KCNQ3: variants seen among roughly 807,000 people sequenced by gnomAD.
The protein encoded by KCNQ3 is potassium voltage-gated channel subfamily Q member 3.
A neutral mutation model predicts 92.5 loss-of-function variants in KCNQ3; 30 were observed. The observed-to-expected ratio is 0.32, with a 90% CI of 0.24 to 0.44. The LOEUF is 0.44. Ranked by LOEUF, KCNQ3 falls within the 20% of genes least tolerant of loss-of-function variation. The probability of loss-of-function intolerance (pLI) is 1.00; values close to 1 mark genes in which losing one functional copy is unlikely to be tolerated. For missense variants in KCNQ3, 913 were observed against 1,140.3 expected (o/e 0.80, Z 2.87); for synonymous variants, 450 against 468.8 (o/e 0.96, Z 0.52).
intron 1 of KCNQ3, among the ~76,000 whole-genome samples, chr8:132,462,508 TG>T (rs1563920369): frequency 6.6e-6 from 1 of 152,192 alleles, no homozygotes. Context: ...CACTTTTAAA[TG>T]GTAAGTTTTT....
At position 132,480,134 on chromosome 8, in the gene KCNQ3, G is replaced by T; in HGVS notation, c.386+13C>A. On this transcript the variant is annotated intron_variant, in intron 1 of 14. Transcript: ENST00000388996. The stretch of plus-strand genomic sequence containing the variant: ...GCCGCCGCCGAGGGCGCCCCGAGCG[G>T]CCGGGTACTCACACCAACGCGTGGT... 1 of 1,608,286 alleles carries T rather than the reference G, an allele frequency of 6.2e-7. No homozygotes were observed. Among genetic ancestry groups the T allele is most frequent in the Non-Finnish European group, 8.5e-7 (1 of 1,176,938 alleles).
intron 1 of KCNQ3, among the ~76,000 whole-genome samples, chr8:132,358,290 C>A: frequency 6.6e-6 from 1 of 152,180 alleles, no homozygotes; most frequent in East Asian, 1.9e-4. Context: ...AGTCCTAGCA[C>A]TGCCAGATGC....
At chr8:132,140,250 C>T in intron 10 of KCNQ3, 72 bp from the exon 11 acceptor site, 1 of 1,022,546 alleles carries the variant, frequency 9.8e-7, no homozygotes, top group African/African-American at 1.6e-5. Flanking sequence ...ACTGTTCGGT[C>T]AAAGCCTTCC....
In KCNQ3 at chr8:132,480,307, C is replaced by G. The variant is rs747768821; in HGVS notation, c.226G>C (p.Glu76Gln). ...TLLLEGGGRD[E>Q]GQRRTPQGIG... is the part of the protein sequence containing the mutation. ...CCCTGCGGGGTCCTCCGCTGCCCCT[C>G]GTCGCGGCCGCCGCCCTCCAGCAGC... is the stretch of plus-strand genomic sequence containing the variant. Residue 76 changes from glutamate to glutamine, a missense_variant, in exon 1 of 15, where the codon GAG becomes CAG. By Grantham distance (29) the Glu-to-Gln change is conservative. Transcript: ENST00000388996. 6.2e-7 allele frequency: 1 copy of G among 1,602,702 alleles called. No homozygotes were observed. The highest frequency in any genetic ancestry group is 8.5e-7 in the Non-Finnish European group (1 of 1,175,180).
At position 132,186,154 on chromosome 8, in the gene KCNQ3, A is replaced by G. The variant is rs749434380; in HGVS notation, c.414T>C (p.Ile138=). ...LVFLIVLGCL[I]LAVLTTFKEY... ...CCTTGAATGTGGTCAGGACAGCCAGAATCAAGCACCCCAGGACAATCAGGA... is the reference window on the plus strand; with the variant it reads ...CCTTGAATGTGGTCAGGACAGCCAGGATCAAGCACCCCAGGACAATCAGGA... Residue 138 remains isoleucine (I), a synonymous_variant, in exon 2 of 15, where the codon ATT becomes ATC. Coordinates refer to ENST00000388996, the MANE Select transcript of KCNQ3 (RefSeq NM_004519.4). The G allele has an allele frequency of 1.9e-6, 3 of 1,613,816 alleles. No individual in the cohort carries two copies. In the African/African-American group the frequency reaches 4.0e-5, roughly 22 times the overall value.
chr8:132,423,096 G>A (rs1821016291), intron 1 of KCNQ3, among the ~76,000 whole-genome samples: 1 of 152,010 alleles, frequency 6.6e-6, no homozygotes, highest in Admixed American at 6.6e-5. Context: ...TGTTTGATGT[G>A]GTCTGACAAA....
intron 1 of KCNQ3, among the ~76,000 whole-genome samples, chr8:132,403,405 C>T (rs1246706735): frequency 1.3e-5 from 2 of 152,174 alleles, no homozygotes; most frequent in Non-Finnish European, 2.9e-5. Context: ...AGCCCATTCC[C>T]GCTCTTCAGG....
intron 1 of KCNQ3, among the ~76,000 whole-genome samples, chr8:132,413,622 T>C (rs1820713568): frequency 6.6e-6 from 1 of 152,212 alleles, no homozygotes; most frequent in African/African-American, 2.4e-5. Flanking sequence ...AAATGGATCC[T>C]ATAATTCCCA....
intron 1 of KCNQ3, among the ~76,000 whole-genome samples, chr8:132,292,933 G>A (rs1816900549): frequency 6.6e-6 from 1 of 152,202 alleles, no homozygotes; most frequent in East Asian, 1.9e-4. Context: ...GAATGGACAA[G>A]CCTTGCTGGT....
At chr8:132,230,323 C>G (rs1563815298) in intron 1 of KCNQ3, among the ~76,000 whole-genome samples, 1 of 152,034 alleles carries the variant, frequency 6.6e-6, no homozygotes, top group Non-Finnish European at 1.5e-5. Context: ...ATAAAGCCCC[C>G]CCGCCCACTA....
chr8:132,320,131 G>A (rs1391792994), intron 1 of KCNQ3, among the ~76,000 whole-genome samples: 2 of 152,276 alleles, frequency 1.3e-5, no homozygotes, highest in Non-Finnish European at 2.9e-5. Context: ...AAACTGGTAT[G>A]TGGTTGGATT....
chr8:132,363,645 C>T (rs770557985), intron 1 of KCNQ3, among the ~76,000 whole-genome samples: 1 of 152,012 alleles, frequency 6.6e-6, no homozygotes, highest in East Asian at 1.9e-4. Context: ...TTCTGTAGTA[C>T]GCTGTCACCA....
At chr8:132,386,643 G>T (rs947157485) in intron 1 of KCNQ3, among the ~76,000 whole-genome samples, 1 of 152,040 alleles carries the variant, frequency 6.6e-6, no homozygotes, top group Non-Finnish European at 1.5e-5. Flanking sequence ...TATTAAAGAG[G>T]TTTATTTCTA....
intron 1 of KCNQ3, among the ~76,000 whole-genome samples, chr8:132,477,564 CTAAG>C (rs1195437721): frequency 2.0e-5 from 3 of 152,180 alleles, no homozygotes; most frequent in Non-Finnish European, 4.4e-5. Context: ...TATGCATGTA[CTAAG>C]TAAGTATGCT....
chr8:132,325,501 G>A lies in KCNQ3; in HGVS notation c.387-139320C>T, dbSNP rs896835523. Among the ~76,000 whole-genome samples, 12 of 152,236 alleles carry A rather than the reference G, an allele frequency of 7.9e-5. No homozygotes were observed. In the East Asian group the frequency reaches 1.7e-3, roughly 22 times the overall value. ...ATCTGGAGATAGGGTTTCTAAAGACGTCATTAAGTTAAAATGAGTTCATTA... is the reference window on the plus strand; with the variant it reads ...ATCTGGAGATAGGGTTTCTAAAGACATCATTAAGTTAAAATGAGTTCATTA... On this transcript the variant is annotated intron_variant, in intron 1 of 14. Transcript: ENST00000388996.
intron 1 of KCNQ3, among the ~76,000 whole-genome samples, chr8:132,191,496 A>G (rs1353347677): frequency 6.6e-6 from 1 of 151,488 alleles, no homozygotes; most frequent in African/African-American, 2.4e-5. Flanking sequence ...CTATCCACAC[A>G]CATACATATA....
chr8:132,169,647 A>G (rs555771678), intron 8 of KCNQ3, among the ~76,000 whole-genome samples: 3 of 152,202 alleles, frequency 2.0e-5, no homozygotes, highest in Admixed American at 2.0e-4. Context: ...TGGGCTGCCC[A>G]CTTCCTCAAC....
At chr8:132,266,671 A>G (rs577559812) in intron 1 of KCNQ3, among the ~76,000 whole-genome samples, 79 of 152,172 alleles carry the variant, frequency 5.2e-4, no homozygotes, top group Non-Finnish European at 9.6e-4. Context: ...GGTTTCTCAA[A>G]CCGGAGCTGC....
chr8:132,418,400 G>C (rs897660595), intron 1 of KCNQ3, among the ~76,000 whole-genome samples: 1 of 152,138 alleles, frequency 6.6e-6, no homozygotes, highest in Non-Finnish European at 1.5e-5. Flanking sequence ...GGAGCTCTGG[G>C]TCTCAACCCG....
Sources: gnomAD v4.1 joint callset for allele counts (sites outside exome capture counted in the v4.1 genomes callset) on GRCh38, gnomAD v4.1.1 for gene constraint, MANE v1.5 for transcripts, NCBI Gene and HGNC (gene_info 2026-07-23, HGNC 2026-07-21) for gene names.